CDC20B: variants seen among roughly 807,000 people sequenced by gnomAD.
CDC20B encodes the protein cell division cycle 20B, also known as cell division cycle protein 20 homolog B.
Under a neutral mutation model 64.1 loss-of-function variants are expected in CDC20B, and 58 were observed. That is an observed-to-expected ratio of 0.90 (90% CI 0.73 to 1.13). The LOEUF is 1.13. Among genes scored for constraint, CDC20B ranks in the 50% most tolerant of loss-of-function variants. The pLI, the probability that CDC20B is intolerant of heterozygous loss-of-function variation, is 0.00. For missense variants in CDC20B, 597 were observed against 633.0 expected (o/e 0.94, Z 0.61); for synonymous variants, 243 against 230.6 (o/e 1.05, Z -0.49).
At chr5:55,149,934 G>A (rs1301196681) in intron 2 of CDC20B, among the ~76,000 whole-genome samples, 3 of 152,126 alleles carry the variant, frequency 2.0e-5, no homozygotes, top group Non-Finnish European at 4.4e-5. Flanking sequence ...AGGAGTTCAA[G>A]ACCAGCCTGA....
chr5:55,157,808 C>A (rs1378769473), intron 2 of CDC20B, among the ~76,000 whole-genome samples: 2 of 152,170 alleles, frequency 1.3e-5, no homozygotes, highest in Non-Finnish European at 2.9e-5. Flanking sequence ...CCTAGGGGGC[C>A]CTGCCTAAGC....
intron 2 of CDC20B, chr5:55,160,259 C>G (rs369767237): frequency 6.2e-7 from 1 of 1,613,980 alleles, no homozygotes; most frequent in African/African-American, 1.3e-5. Context: ...TGCAGTTTTG[C>G]TGTCTATAGT....
chr5:55,143,458 A>C, intron 4 of CDC20B, 55 bp downstream of exon 4: 1 of 1,502,018 alleles, frequency 6.7e-7, no homozygotes, highest in South Asian at 1.4e-5. Context: ...ATTTGCAACT[A>C]AGTTGTCTCA....
Position 55,128,430 on chromosome 5 carries a change from T to A in CDC20B, c.885A>T (p.Gly295=), listed in dbSNP as rs375000137. ...AAAAACTGGCCAGTACTTGCACTTC[T>A]CCCTCGCTGGTGCCAACTGCCAGGC... is the stretch of plus-strand genomic sequence containing the variant. ...GTCLAVGTSE[G]EVQLWDVVTK... is the part of the protein sequence containing the mutation. Residue 295 remains glycine (G), a synonymous_variant, in exon 7 of 12, where the codon GGA becomes GGT. Coordinates refer to ENST00000381375, the MANE Select transcript of CDC20B (RefSeq NM_001170402.1). 6.2e-7 allele frequency: 1 copy of A among 1,602,652 alleles called. No individual in the cohort carries two copies.
chr5:55,124,941 A>G lies in CDC20B; in HGVS notation c.1077T>C (p.Cys359=). ...VGTLRHKQAV[C]ALKWSPDGRL... is the part of the protein sequence containing the mutation. ...TGCCATCCGGTGACCACTTCAGAGC[A>G]CACACAGCTTGCTTGTGGCGAAGTG... The change falls in exon 9 of 12, where the codon TGT becomes TGC. Residue 359 remains cysteine, a synonymous_variant. Transcript: ENST00000381375. 3 of 1,614,208 alleles carry G rather than the reference A, an allele frequency of 1.9e-6. No individual in the cohort carries two copies. Among genetic ancestry groups the G allele is most frequent in the Non-Finnish European group, 8.5e-7 (1 of 1,180,016 alleles).
intron 5 of CDC20B, among the ~76,000 whole-genome samples, chr5:55,134,420 A>G (rs983484084): frequency 6.6e-6 from 1 of 152,190 alleles, no homozygotes; most frequent in Non-Finnish European, 1.5e-5. Flanking sequence ...GCTTGCTGAT[A>G]AAGTATCAAC....
At chr5:55,148,693 G>A (rs1743573168) in intron 2 of CDC20B, among the ~76,000 whole-genome samples, 3 of 152,142 alleles carry the variant, frequency 2.0e-5, no homozygotes, top group Non-Finnish European at 4.4e-5. Context: ...GTGAGACCCT[G>A]TCTCAAAATA....
rs1230535845 is a variant in CDC20B at position 55,146,794 on chromosome 5, G to A, written c.189C>T (p.Ser63=). 6.2e-7 allele frequency: 1 copy of A among 1,614,044 alleles called. No individual in the cohort carries two copies. The highest frequency in any genetic ancestry group is 1.1e-5 in the South Asian group (1 of 91,082). The change falls in exon 3 of 12, where the codon TCC becomes TCT. Residue 63 remains serine (S), a synonymous_variant. Transcript: ENST00000381375. Reference sequence around the variant, plus strand: ...GGCTACTCGCAACAGGAACCTCTGCGGACAGCCTCTTCGCAAAGTTGCTCT... The same window carrying A: ...GGCTACTCGCAACAGGAACCTCTGCAGACAGCCTCTTCGCAAAGTTGCTCT... The part of the protein sequence containing the change: ...DFKSNFAKRL[S]AEVPVASSPI...
intron 4 of CDC20B, 80 bp downstream of exon 4, chr5:55,143,433 C>A (rs1166202066): frequency 7.2e-7 from 1 of 1,386,722 alleles, no homozygotes; most frequent in Non-Finnish European, 9.6e-7. Context: ...GAGAACTAAG[C>A]AACTCTTCCC....
At chr5:55,171,761 C>T (rs1744606698) in intron 2 of CDC20B, among the ~76,000 whole-genome samples, 1 of 152,104 alleles carries the variant, frequency 6.6e-6, no homozygotes, top group Non-Finnish European at 1.5e-5. Flanking sequence ...TGTCATCATG[C>T]CCAGCTAATT....
chr5:55,164,260 T>G (rs1744258625), intron 2 of CDC20B: 1 of 1,421,684 alleles, frequency 7.0e-7, no homozygotes, highest in Non-Finnish European at 9.4e-7. Context: ...AATGTCTCCA[T>G]GAGGGTTTGG....
intron 6 of CDC20B, among the ~76,000 whole-genome samples, chr5:55,132,063 A>AAAAG (rs1169917632): frequency 6.6e-6 from 1 of 152,210 alleles, no homozygotes; most frequent in Non-Finnish European, 1.5e-5. Context: ...TGTTTAAAAA[A>AAAAG]AAAGAAAGAA....
intron 2 of CDC20B, among the ~76,000 whole-genome samples, chr5:55,156,895 A>T (rs1221200050): frequency 6.6e-6 from 1 of 152,134 alleles, no homozygotes; most frequent in Non-Finnish European, 1.5e-5. Flanking sequence ...ATAATAAATA[A>T]AAAAATAAGT....
In CDC20B at chr5:55,130,679, A is replaced by T. The variant is rs530473162; in HGVS notation, c.698-2062T>A. The stretch of plus-strand genomic sequence containing the variant: ...CTAAAGGGACAATATATGAAAGAGA[A>T]ACTTGGATCTTCAGAAATGAAGGAG... On this transcript the variant is annotated intron_variant, in intron 6 of 11. Coordinates refer to ENST00000381375, the MANE Select transcript of CDC20B (RefSeq NM_001170402.1). 4.6e-5 allele frequency among the ~76,000 whole-genome samples: 7 copies of T among 152,346 alleles called. No homozygotes were observed. The East Asian group carries it at 1.2e-3, about 25-fold the overall frequency.
At chr5:55,158,655 C>T (rs964557178) in intron 2 of CDC20B, among the ~76,000 whole-genome samples, 1 of 152,194 alleles carries the variant, frequency 6.6e-6, no homozygotes, top group Admixed American at 6.5e-5. Context: ...CAGCTCATTC[C>T]CTGCACTTTC....
At chr5:55,162,663 T>C (rs993939120) in intron 2 of CDC20B, among the ~76,000 whole-genome samples, 1 of 152,258 alleles carries the variant, frequency 6.6e-6, no homozygotes, top group Non-Finnish European at 1.5e-5. Flanking sequence ...CAGTGAGGTC[T>C]TTATTCCTCT....
chr5:55,120,172 T>C (rs1742722662), intron 10 of CDC20B, among the ~76,000 whole-genome samples: 2 of 152,152 alleles, frequency 1.3e-5, no homozygotes, highest in African/African-American at 4.8e-5. Context: ...AGAGCCAGAT[T>C]ACTCTCAAAG....
chr5:55,173,023 T>C lies in CDC20B; in HGVS notation c.-23A>G, dbSNP rs928400336. On this transcript the variant is annotated 5_prime_UTR_variant, in exon 1 of 12. Transcript: ENST00000381375. ...CATCTCCGGCTGACTTCGCCCTGCCTGGCGTTTGGCCTCTCTGCTCGACTG... is the reference window on the plus strand; with the variant it reads ...CATCTCCGGCTGACTTCGCCCTGCCCGGCGTTTGGCCTCTCTGCTCGACTG... The C allele has an allele frequency of 1.9e-6, 3 of 1,602,516 alleles. No individual in the cohort carries two copies. The Middle Eastern group carries it at 5.0e-4, about 269-fold the overall frequency.
intron 2 of CDC20B, among the ~76,000 whole-genome samples, chr5:55,155,598 TTCA>T (rs2111914652): frequency 6.6e-6 from 1 of 152,292 alleles, no homozygotes; most frequent in African/African-American, 2.4e-5. Flanking sequence ...GACCAAAATG[TTCA>T]TCGTCTCATG....
Sources: gnomAD v4.1 joint callset for allele counts (sites outside exome capture counted in the v4.1 genomes callset) on GRCh38, gnomAD v4.1.1 for gene constraint, MANE v1.5 for transcripts, NCBI Gene and HGNC (gene_info 2026-07-23, HGNC 2026-07-21) for gene names.